The following MASTL variants were observed in gnomAD, a reference collection of about 807,000 sequenced individuals.
MASTL encodes serine/threonine-protein kinase greatwall.
MASTL carries 54 observed loss-of-function variants against 82.5 expected under a neutral mutation model. That is an observed-to-expected ratio of 0.65 (90% CI 0.53 to 0.82). The LOEUF is 0.82. Ranked by LOEUF, MASTL falls within the 40% of genes least tolerant of loss-of-function variation. The pLI is 0.00. For missense variants in MASTL, 950 were observed against 1,047.8 expected (o/e 0.91, Z 1.29); for synonymous variants, 323 against 368.9 (o/e 0.88, Z 1.43).
intron 9 of MASTL, 95 bp from the exon 10 acceptor site, chr10:27,180,858 G>A (rs2058251210): frequency 1.6e-5 from 14 of 861,148 alleles, no homozygotes; most frequent in South Asian, 8.1e-5. Context: ...AGCCTAACTC[G>A]TTTTCCCTAA....
Position 27,186,680 on chromosome 10 carries a change from A to G in MASTL, c.*144A>G, listed in dbSNP as rs2058773545. On this transcript the variant is annotated 3_prime_UTR_variant, in exon 12 of 12. Transcript: ENST00000375940. ...GCTTTTAATGTACGTTACAGCTTTC[A>G]CAGAGTTAAAAGGCTGAAAGGAATA... is the stretch of plus-strand genomic sequence containing the variant. 1.3e-6 allele frequency: 1 copy of G among 785,484 alleles called. No individual in the cohort carries two copies. Among genetic ancestry groups the G allele is most frequent in the Non-Finnish European group, 2.2e-6 (1 of 457,542 alleles). The allele number at this position is 785,484 out of a possible 1,614,324, so 48.7% of individuals were successfully genotyped here. A position where few individuals can be genotyped will look rare whatever the true frequency, so the allele number is the denominator to read the frequency against.
At position 27,184,514 on chromosome 10, in the gene MASTL, C is replaced by T. The variant is rs191797938; in HGVS notation, c.2483-1865C>T. On this transcript the variant is annotated intron_variant, in intron 11 of 11. Transcript: ENST00000375940. ...GAGTGTCTGAATGCAACATATTGGT[C>T]AGATTGCCATTATAAAAAACACTAT... 3.3e-3 allele frequency among the ~76,000 whole-genome samples: 485 copies of T among 146,434 alleles called. 1 individual carries two copies. Among genetic ancestry groups the T allele is most frequent in the African/African-American group, 0.012 (462 of 39,830 alleles).
At chr10:27,161,304 T>TA (rs1238167664) in intron 4 of MASTL, 122 bp downstream of exon 4, 2 of 639,030 alleles carry the variant, frequency 3.1e-6, no homozygotes, top group Admixed American at 4.2e-5. Context: ...GGTCAGGAGT[T>TA]AGAGACCAGC....
In MASTL at chr10:27,187,736, A is replaced by G. The variant is rs924672938; in HGVS notation, c.*1200A>G. ...CACTGCATTTCAGCCTGGGCAACAG[A>G]ATGAGACTCAGTCTCAAAAAAAAAA... On this transcript the variant is annotated 3_prime_UTR_variant, in exon 12 of 12. Coordinates refer to ENST00000375940, the MANE Select transcript of MASTL (RefSeq NM_001172303.3). Among the ~76,000 whole-genome samples the G allele has an allele frequency of 2.1e-5, 3 of 142,936 alleles. No individual in the cohort carries two copies. Among genetic ancestry groups the G allele is most frequent in the African/African-American group, 5.3e-5 (2 of 37,892 alleles). 93.8% of individuals were successfully genotyped at this position (142,936 alleles called of 152,430 possible). A position where few individuals can be genotyped will look rare whatever the true frequency, so the allele number is the denominator to read the frequency against.
Position 27,170,856 on chromosome 10 carries a change from CA to C in MASTL, c.1903del (p.Met635CysfsTer2). ...VENPAVQESN[Q>X]KMLGPPLEVL... ...GAACCCTGCTGTACAAGAGAGTAAC[CA>C]AAAAATGTTAGGTCCTCCTTTGGAG... On this transcript the variant is annotated frameshift_variant, in exon 8 of 12. Transcript: ENST00000375940. LOFTEE classifies it high-confidence loss of function. 1 of 1,614,012 alleles carries C rather than the reference CA, an allele frequency of 6.2e-7. No homozygotes were observed. Among genetic ancestry groups the C allele is most frequent in the Non-Finnish European group, 8.5e-7 (1 of 1,179,958 alleles).
intron 10 of MASTL, 24 bp downstream of exon 10, chr10:27,181,090 A>G: frequency 2.7e-6 from 4 of 1,503,132 alleles, no homozygotes; most frequent in Non-Finnish European, 3.7e-6. Context: ...TCCTATTAAG[A>G]TAGTCATTTA....
chr10:27,162,331 G>A (rs1206609877), intron 4 of MASTL, among the ~76,000 whole-genome samples: 1 of 152,204 alleles, frequency 6.6e-6, no homozygotes, highest in Non-Finnish European at 1.5e-5. Flanking sequence ...GTTCATCATA[G>A]AAACATGGAT....
chr10:27,169,020 C>T (rs1375395062), intron 7 of MASTL, among the ~76,000 whole-genome samples: 8 of 151,938 alleles, frequency 5.3e-5, no homozygotes. Context: ...CCCACAAATA[C>T]CCACAGATAG....
rs2058837219 is a variant in MASTL at position 27,187,499 on chromosome 10, C to A, written c.*963C>A. Among the ~76,000 whole-genome samples, 1 of 152,148 alleles carries A rather than the reference C, an allele frequency of 6.6e-6. No homozygotes were observed. Among genetic ancestry groups the A allele is most frequent in the Non-Finnish European group, 1.5e-5 (1 of 68,036 alleles). ...GGGTGCGATGGCTCATGCCTGTAATCCCGGCACTTTGGGAGGCTGAGGCAG... is the reference window on the plus strand; with the variant it reads ...GGGTGCGATGGCTCATGCCTGTAATACCGGCACTTTGGGAGGCTGAGGCAG... On this transcript the variant is annotated 3_prime_UTR_variant, in exon 12 of 12. Transcript: ENST00000375940.
intron 10 of MASTL, 46 bp from the exon 11 acceptor site, chr10:27,181,434 T>G: frequency 3.0e-6 from 4 of 1,339,866 alleles, no homozygotes; most frequent in Non-Finnish European, 4.3e-6. Flanking sequence ...GATACTATTA[T>G]TTTGAGCAGT....
chr10:27,174,055 A>G (rs115958983), intron 9 of MASTL, among the ~76,000 whole-genome samples: 89 of 152,162 alleles, frequency 5.8e-4, no homozygotes, highest in African/African-American at 2.0e-3. Flanking sequence ...AAAACAGAAC[A>G]TAAGTATAGA....
At chr10:27,156,145 C>T (rs1287179101) in intron 1 of MASTL, among the ~76,000 whole-genome samples, 1 of 152,200 alleles carries the variant, frequency 6.6e-6, no homozygotes, top group Non-Finnish European at 1.5e-5. Flanking sequence ...GCTGGGACTA[C>T]AAGCGCCCGT....
intron 9 of MASTL, among the ~76,000 whole-genome samples, chr10:27,180,090 T>C (rs1479663281): frequency 6.6e-6 from 1 of 152,244 alleles, no homozygotes; most frequent in African/African-American, 2.4e-5. Context: ...TTTTGCACTT[T>C]TGATTATACC....
rs1235856439 is a variant in MASTL, at chr10:27,159,325, G to C, written c.325-294G>C. Among the ~76,000 whole-genome samples the C allele has an allele frequency of 6.6e-6, 1 of 152,152 alleles. No homozygotes were observed. Among genetic ancestry groups the C allele is most frequent in the Non-Finnish European group, 1.5e-5 (1 of 68,028 alleles). On this transcript the variant is annotated intron_variant, in intron 2 of 11. Coordinates refer to ENST00000375940, the MANE Select transcript of MASTL (RefSeq NM_001172303.3). The surrounding 1 kb of genome is among the most constrained non-coding windows in gnomAD (Gnocchi z 4.0). ...TTTAGTAGGGACGGGGTTTTGCTATGTTGGCCAGGCTAGTCTCGAACTCCT... is the reference window on the plus strand; with the variant it reads ...TTTAGTAGGGACGGGGTTTTGCTATCTTGGCCAGGCTAGTCTCGAACTCCT...
At position 27,167,120 on chromosome 10, in the gene MASTL, C is replaced by G. The variant is rs1436366748; in HGVS notation, c.830C>G (p.Ser277Cys). The G allele has an allele frequency of 1.4e-5, 22 of 1,613,836 alleles. No individual in the cohort carries two copies. Among genetic ancestry groups the G allele is most frequent in the Non-Finnish European group, 1.9e-5 (22 of 1,179,900 alleles). Residue 277 changes from serine (S) to cysteine (C), a missense_variant, in exon 7 of 12, where the codon TCC (serine) becomes TGC (cysteine). Ser to Cys is a moderately radical substitution (Grantham distance 112). Transcript: ENST00000375940. ...LLKSCLETVA[S>C]NPGMPVKCLT... ...TCTATAGGTCTTGAAACAGTTGCCT[C>G]CAACCCAGGAATGCCTGTGAAGTGT...
chr10:27,181,753 A>G (rs1336148320), intron 11 of MASTL, among the ~76,000 whole-genome samples, 172 bp downstream of exon 11: 1 of 152,020 alleles, frequency 6.6e-6, no homozygotes, highest in Non-Finnish European at 1.5e-5. Flanking sequence ...AGCCTGTCCG[A>G]TATGGCGAAA....
In MASTL at chr10:27,165,045, C is replaced by G. The variant is rs1588669693; in HGVS notation, c.554-19C>G. On this transcript the variant is annotated intron_variant, in intron 4 of 11. Transcript: ENST00000375940. ...TAAAGGTTTTAAATACATTTATATA[C>G]TTTTCTTTGCATACATAGATATTAA... The G allele has an allele frequency of 1.4e-6, 2 of 1,421,450 alleles. No homozygotes were observed. The highest frequency in any genetic ancestry group is 1.4e-5 in the African/African-American group (1 of 70,966). 88.1% of individuals were successfully genotyped at this position (1,421,450 alleles called of 1,614,324 possible). A position where few individuals can be genotyped will look rare whatever the true frequency, so the allele number is the denominator to read the frequency against.
At chr10:27,184,614 G>T (rs1423225367) in intron 11 of MASTL, among the ~76,000 whole-genome samples, 1 of 140,930 alleles carries the variant, frequency 7.1e-6, no homozygotes, top group Non-Finnish European at 1.5e-5. Flanking sequence ...AGGCTGGAGT[G>T]CAGTGGCATG....
At chr10:27,183,918 C>T (rs1055096475) in intron 11 of MASTL, among the ~76,000 whole-genome samples, 29 of 152,136 alleles carry the variant, frequency 1.9e-4, no homozygotes, top group South Asian at 1.2e-3. Flanking sequence ...TGCTGTGTTG[C>T]CCAGGCTGGT....
Sources: allele counts gnomAD v4.1 joint callset (sites outside exome capture counted in the v4.1 genomes callset), GRCh38; gene constraint gnomAD v4.1.1; non-coding constraint Gnocchi (gnomAD v3.1); transcripts MANE v1.5; gene names NCBI Gene and HGNC (gene_info 2026-07-23, HGNC 2026-07-21).